Variants in PPP1R21 observed in about 807,000 individuals in gnomAD.
The protein encoded by PPP1R21 is KLRAQ motif containing 1.
A neutral mutation model predicts 112.8 loss-of-function variants in PPP1R21; 85 were observed. The ratio of observed to expected loss-of-function variants is 0.75; its 90% CI spans 0.63 to 0.90. The LOEUF (loss-of-function observed/expected upper bound fraction) is 0.90, where lower values mean the gene tolerates loss of function less well. PPP1R21 is among the 40% of genes least tolerant of loss of function. PPP1R21 has a pLI of 0.00. For synonymous variants in PPP1R21, 381 were observed against 322.3 expected (o/e 1.18, Z -1.95); for missense variants, 1,199 against 901.5 (o/e 1.33, Z -4.23).
intron 1 of PPP1R21, among the ~76,000 whole-genome samples, chr2:48,450,426 T>C (rs1667422325): frequency 1.3e-5 from 2 of 152,192 alleles, no homozygotes; most frequent in African/African-American, 4.8e-5. Context: ...GTGGGTACTA[T>C]TATTAACTTT....
intron 11 of PPP1R21, 87 bp downstream of exon 11, chr2:48,471,454 C>G (rs528328784): frequency 7.7e-7 from 1 of 1,296,838 alleles, no homozygotes; most frequent in African/African-American, 1.5e-5. Context: ...ACATGTGCCT[C>G]TTGTGATCTG....
chr2:48,472,295 A>G (rs897717576), intron 11 of PPP1R21, among the ~76,000 whole-genome samples: 1 of 149,960 alleles, frequency 6.7e-6, no homozygotes, highest in Non-Finnish European at 1.5e-5. Context: ...CTGGAACATG[A>G]GAGAAATAAT....
At chr2:48,490,912 A>G (rs1001220099) in intron 14 of PPP1R21, 106 bp from the exon 15 acceptor site, 9 of 952,038 alleles carry the variant, frequency 9.5e-6, no homozygotes, top group Admixed American at 9.2e-5. Context: ...TTTCATTTCC[A>G]TTTCCATTCT....
chr2:48,459,777 C>G lies in PPP1R21; in HGVS notation c.399C>G (p.His133Gln). Residue 133 changes from histidine (H) to glutamine (Q), a missense_variant, in exon 5 of 22, where the codon CAC (histidine) becomes CAG (glutamine). Transcript: ENST00000294952. ...AGTTTTTTGAAGCTGATGAGCAGCA[C>G]AAGCATGTGGAAGCAGAGCTGAGGA... ...HIQFFEADEQ[H>Q]KHVEAELRSR... is the part of the protein sequence containing the mutation. 6.2e-7 allele frequency: 1 copy of G among 1,613,784 alleles called. No homozygotes were observed. The highest frequency in any genetic ancestry group is 8.5e-7 in the Non-Finnish European group (1 of 1,180,002).
In PPP1R21 at chr2:48,458,159, G is replaced by C. The variant is rs1279781602; in HGVS notation, c.307G>C (p.Glu103Gln). The change falls in exon 4 of 22, where the codon GAG becomes CAG. Residue 103 changes from glutamate to glutamine, a missense_variant. Transcript: ENST00000294952. Reference sequence around the variant, plus strand: ...AGAATCTTCTTCTCAGTTGAGTCAAGAGCAGAAGAGTGTCTTTGATGAAGA... The same window carrying C: ...AGAATCTTCTTCTCAGTTGAGTCAACAGCAGAAGAGTGTCTTTGATGAAGA... ...SGESSSQLSQ[E>Q]QKSVFDEDLQ... The C allele has an allele frequency of 6.2e-7, 1 of 1,612,184 alleles. No individual in the cohort carries two copies. The highest frequency in any genetic ancestry group is 8.5e-7 in the Non-Finnish European group (1 of 1,178,848).
chr2:48,488,478 C>A (rs540189093), intron 14 of PPP1R21, among the ~76,000 whole-genome samples: 2 of 151,816 alleles, frequency 1.3e-5, no homozygotes, highest in Non-Finnish European at 2.9e-5. Context: ...ACCATTCTGC[C>A]GCCTCAGCCT....
intron 19 of PPP1R21, among the ~76,000 whole-genome samples, 190 bp downstream of exon 19, chr2:48,507,575 G>A (rs1238479651): frequency 6.6e-6 from 1 of 151,914 alleles, no homozygotes; most frequent in African/African-American, 2.4e-5. Context: ...CACCGTGTTA[G>A]CCAGAATGGT....
chr2:48,471,059 A>C (rs763838842), intron 9 of PPP1R21, 28 bp from the exon 10 acceptor site: 3 of 1,424,352 alleles, frequency 2.1e-6, no homozygotes, highest in Middle Eastern at 3.6e-4. Context: ...CCAGTGATTT[A>C]ATTCACAATA....
Position 48,479,967 on chromosome 2 carries a change from G to A in PPP1R21, c.1269G>A (p.Val423=). 1.2e-6 allele frequency: 2 copies of A among 1,613,458 alleles called. No homozygotes were observed. The highest frequency in any genetic ancestry group is 1.7e-6 in the Non-Finnish European group (2 of 1,179,386). ...TCCTTCGGACAAACTACAGTTCTGT[G>A]TTAACAAATGTTGGTGCTGCTCTGC... ...DGLLRTNYSS[V]LTNVGAALHG... The change falls in exon 13 of 22, where the codon GTG becomes GTA. Residue 423 remains valine (V), a synonymous_variant. Transcript: ENST00000294952.
chr2:48,507,749 C>CTTTTTTTTTTTTTTTTTTTTT (rs34546075), intron 19 of PPP1R21, among the ~76,000 whole-genome samples: 3 of 42,392 alleles, frequency 7.1e-5, no homozygotes, highest in Non-Finnish European at 7.7e-5. Context: ...GAGGCTCTGC[C>CTTTTTTTTTTTTTTTTTTTTT]TTTTTTTTTT....
chr2:48,506,974 G>A, intron 18 of PPP1R21, among the ~76,000 whole-genome samples: 1 of 148,204 alleles, frequency 6.7e-6, no homozygotes, highest in Admixed American at 6.7e-5. Context: ...AGTCAGTTTT[G>A]TGGCTAATAA....
chr2:48,474,547 C>G (rs914924405), intron 11 of PPP1R21, 136 bp from the exon 12 acceptor site: 21 of 693,558 alleles, frequency 3.0e-5, no homozygotes, highest in Non-Finnish European at 4.8e-5. Context: ...AAAAATGGAG[C>G]CATGCAAATG....
At chr2:48,450,101 T>C (rs146936425) in intron 1 of PPP1R21, among the ~76,000 whole-genome samples, 1,793 of 152,286 alleles carry the variant, frequency 0.012, 19 homozygotes, top group Middle Eastern at 0.024. Flanking sequence ...TTAATAATTA[T>C]CTGTGAAAAA....
At chr2:48,441,164 T>G (rs1426836891) in intron 1 of PPP1R21, 154 bp downstream of exon 1, 1 of 649,190 alleles carries the variant, frequency 1.5e-6, no homozygotes, top group South Asian at 1.7e-5. Context: ...TTACGGTGCC[T>G]CCACCTGCAG....
At chr2:48,489,577 C>T (rs2103933405) in intron 14 of PPP1R21, among the ~76,000 whole-genome samples, 1 of 151,926 alleles carries the variant, frequency 6.6e-6, no homozygotes, top group East Asian at 2.0e-4. Context: ...TGGGCTCAAG[C>T]AGTACCCCTG....
At chr2:48,448,479 T>C (rs1368636126) in intron 1 of PPP1R21, among the ~76,000 whole-genome samples, 2 of 152,220 alleles carry the variant, frequency 1.3e-5, no homozygotes, top group South Asian at 2.1e-4. Flanking sequence ...TTCAGTGAAC[T>C]TCAAGCTTCA....
In PPP1R21 at chr2:48,498,518, C is replaced by G. The variant is rs753522402; in HGVS notation, c.1718C>G (p.Ser573Cys). Residue 573 changes from serine to cysteine, a missense_variant, in exon 17 of 22, where the codon TCT becomes TGT. By Grantham distance (112) the Ser-to-Cys change is moderately radical. Transcript: ENST00000294952. ...QQVQQSLEKI[S>C]KLEQEKEHWM... ...GTTCAACAGAGTTTGGAAAAGATTT[C>G]TAAACTGGAGCAGGAAAAAGAACAT... 4 of 1,613,960 alleles carry G rather than the reference C, an allele frequency of 2.5e-6. No individual in the cohort carries two copies. The African/African-American group carries it at 5.3e-5, about 22-fold the overall frequency.
chr2:48,511,097 T>G (rs1206859220), intron 20 of PPP1R21, among the ~76,000 whole-genome samples: 1 of 152,204 alleles, frequency 6.6e-6, no homozygotes, highest in Non-Finnish European at 1.5e-5. Context: ...ATTTTGATTA[T>G]TTTGATACCT....
At chr2:48,457,950 C>T in intron 3 of PPP1R21, 176 bp from the exon 4 acceptor site, 2 of 576,442 alleles carry the variant, frequency 3.5e-6, no homozygotes, top group South Asian at 1.6e-5. Context: ...TTTGCAGTTT[C>T]AACTTGTGTC....
Sources: gnomAD v4.1 joint callset for allele counts (sites outside exome capture counted in the v4.1 genomes callset) on GRCh38, gnomAD v4.1.1 for gene constraint, MANE v1.5 for transcripts, NCBI Gene and HGNC (gene_info 2026-07-23, HGNC 2026-07-21) for gene names.